MOB1A: variants seen among roughly 807,000 people sequenced by gnomAD.
MOB1A encodes MOB1 Mps One Binder homolog A.
A neutral mutation model predicts 25.1 loss-of-function variants in MOB1A; 10 were observed. The ratio of observed to expected loss-of-function variants is 0.40; its 90% confidence interval spans 0.25 to 0.68. The LOEUF is 0.68. Among genes scored for constraint, MOB1A ranks in the 30% least tolerant of loss-of-function variants. The pLI, the probability that MOB1A is intolerant of heterozygous loss-of-function variation, is 0.40. For missense variants in MOB1A, 177 were observed against 256.3 expected (o/e 0.69, Z 2.11); for synonymous variants, 81 against 79.5 (o/e 1.02, Z -0.10).
At chr2:74,170,516 C>T (rs913882270) in intron 2 of MOB1A, among the ~76,000 whole-genome samples, 1 of 151,552 alleles carries the variant, frequency 6.6e-6, no homozygotes, top group African/African-American at 2.4e-5. Context: ...GGGTGGATTA[C>T]CTGAAGTCAG....
chr2:74,168,470 GTC>G (rs1693191870), intron 2 of MOB1A, among the ~76,000 whole-genome samples: 1 of 152,040 alleles, frequency 6.6e-6, no homozygotes, highest in Admixed American at 6.6e-5. Flanking sequence ...CTAGACCCCG[GTC>G]TCTATTGAAA....
chr2:74,171,066 G>A (rs1693280064), intron 2 of MOB1A, among the ~76,000 whole-genome samples: 1 of 151,666 alleles, frequency 6.6e-6, no homozygotes, highest in African/African-American at 2.4e-5. Flanking sequence ...GATCACTTGA[G>A]GTCAGGAGTT....
rs1693329547 is a variant in MOB1A at position 74,172,720 on chromosome 2, T to C, written c.47A>G (p.Lys16Arg). 6.2e-7 allele frequency: 1 copy of C among 1,613,710 alleles called. No homozygotes were observed. The highest frequency in any genetic ancestry group is 1.3e-5 in the African/African-American group (1 of 74,940). Reference sequence around the variant, plus strand: ...ATGAGATCCTTCAGGGATATTCTTCTTTGGTTTGAATGTTTTAGAAGAGCG... The same window carrying C: ...ATGAGATCCTTCAGGGATATTCTTCCTTGGTTTGAATGTTTTAGAAGAGCG... The part of the protein sequence containing the change: ...SSRSSKTFKP[K>R]KNIPEGSHQY... The change falls in exon 2 of 6, where the codon AAG becomes AGG. Residue 16 changes from lysine (K) to arginine (R), a missense_variant. Physicochemically the swap from Lys to Arg is conservative, Grantham distance 26 (BLOSUM62 2). Coordinates refer to ENST00000396049, the MANE Select transcript of MOB1A (RefSeq NM_018221.5).
At chr2:74,178,425 C>A (rs1479289042) in intron 1 of MOB1A, 1 of 348,934 alleles carries the variant, frequency 2.9e-6, no homozygotes, top group African/African-American at 2.1e-5. Context: ...GCGCGACGGC[C>A]CCGGGGCCTT....
chr2:74,177,515 G>T (rs1419876662), intron 1 of MOB1A, among the ~76,000 whole-genome samples: 2 of 152,072 alleles, frequency 1.3e-5, no homozygotes, highest in African/African-American at 4.8e-5. Context: ...CAAGGTAATC[G>T]TATTTTAGAG....
At chr2:74,168,468 C>T (rs945689962) in intron 2 of MOB1A, among the ~76,000 whole-genome samples, 4 of 152,082 alleles carry the variant, frequency 2.6e-5, no homozygotes, top group Admixed American at 1.3e-4. Context: ...AGCTAGACCC[C>T]GGTCTCTATT....
Position 74,159,826 on chromosome 2 carries a change from CCCA to C in MOB1A, c.410-575_410-573del, listed in dbSNP as rs369915339. The stretch of plus-strand genomic sequence containing the variant: ...TAGTTTTTTGTTTTTTGTCCCCCCC[CCCA>C]CCCCGGAGACTGAGCCTCACTCTGT... On this transcript the variant is annotated intron_variant, in intron 4 of 5. Coordinates refer to ENST00000396049, the MANE Select transcript of MOB1A (RefSeq NM_018221.5). 5.4e-3 allele frequency among the ~76,000 whole-genome samples: 626 copies of C among 115,606 alleles called. 13 individuals carry two copies. The highest frequency in any genetic ancestry group is 0.019 in the African/African-American group (604 of 31,398). The allele number at this position is 115,606 out of a possible 152,430, so 75.8% of individuals were successfully genotyped here.
Position 74,156,552 on chromosome 2 carries a change from G to A in MOB1A, c.*16C>T, listed in dbSNP as rs1238728843. ...ATAGATGAAGCAAGGGGGTAACTGT[G>A]TTCTAGAAGAAACATTTATCTGTCT... is the stretch of plus-strand genomic sequence containing the variant. On this transcript the variant is annotated 3_prime_UTR_variant, in exon 6 of 6. Coordinates refer to ENST00000396049, the MANE Select transcript of MOB1A (RefSeq NM_018221.5). 2.6e-6 allele frequency: 4 copies of A among 1,530,516 alleles called. No individual in the cohort carries two copies. In the East Asian group the frequency reaches 9.8e-5, roughly 37 times the overall value. 94.8% of individuals were successfully genotyped at this position (1,530,516 alleles called of 1,614,324 possible). A position where few individuals can be genotyped will look rare whatever the true frequency, so the allele number is the denominator to read the frequency against.
intron 4 of MOB1A, among the ~76,000 whole-genome samples, chr2:74,160,949 C>T (rs1692950934): frequency 1.3e-5 from 2 of 151,684 alleles, no homozygotes; most frequent in Admixed American, 6.6e-5. Flanking sequence ...ATCCTAGCTA[C>T]TCAAATGGCT....
At chr2:74,173,822 G>A (rs1329663352) in intron 1 of MOB1A, among the ~76,000 whole-genome samples, 21 of 151,052 alleles carry the variant, frequency 1.4e-4, no homozygotes, top group Admixed American at 4.6e-4. Context: ...GGTGGAGGGC[G>A]CCTGTAGTCC....
chr2:74,163,303 A>C (rs1319627833), intron 4 of MOB1A, among the ~76,000 whole-genome samples: 1 of 152,240 alleles, frequency 6.6e-6, no homozygotes, highest in African/African-American at 2.4e-5. Flanking sequence ...AAAAACTAAC[A>C]GAAAAAGAGT....
At chr2:74,162,773 C>A (rs879851348) in intron 4 of MOB1A, among the ~76,000 whole-genome samples, 1 of 152,082 alleles carries the variant, frequency 6.6e-6, no homozygotes, top group Non-Finnish European at 1.5e-5. Flanking sequence ...AAAAGGAATT[C>A]AAAAATATGT....
At chr2:74,162,219 G>A (rs1692993837) in intron 4 of MOB1A, among the ~76,000 whole-genome samples, 1 of 152,140 alleles carries the variant, frequency 6.6e-6, no homozygotes, top group Non-Finnish European at 1.5e-5. Flanking sequence ...GGTGGCTCAT[G>A]CCTGTAATTC....
chr2:74,165,486 T>C, intron 3 of MOB1A, 135 bp from the exon 4 acceptor site: 1 of 498,798 alleles, frequency 2.0e-6, no homozygotes, highest in Non-Finnish European at 3.4e-6. Flanking sequence ...TAAGTTCTAC[T>C]GAAGATTACT....
intron 1 of MOB1A, among the ~76,000 whole-genome samples, chr2:74,173,545 T>A (rs1291871838): frequency 6.6e-6 from 1 of 151,262 alleles, no homozygotes; most frequent in Non-Finnish European, 1.5e-5. Context: ...CACACCCAGC[T>A]AATTTTTTTT....
chr2:74,170,954 A>G (rs1693276316), intron 2 of MOB1A, among the ~76,000 whole-genome samples: 2 of 151,982 alleles, frequency 1.3e-5, no homozygotes, highest in African/African-American at 2.4e-5. Context: ...ATTTAAACAA[A>G]GCATAGATTT....
intron 1 of MOB1A, among the ~76,000 whole-genome samples, chr2:74,173,673 G>GCTA (rs1441256088): frequency 1.3e-5 from 2 of 150,180 alleles, no homozygotes; most frequent in Non-Finnish European, 1.5e-5. Context: ...GGGCCATGCC[G>GCTA]GGCGCGGTGG....
chr2:74,158,413 A>AT (rs1558830538), intron 5 of MOB1A, among the ~76,000 whole-genome samples: 1 of 152,222 alleles, frequency 6.6e-6, no homozygotes, highest in East Asian at 1.9e-4. Flanking sequence ...TATGCAAAAT[A>AT]TAAGTATCTC....
intron 5 of MOB1A, among the ~76,000 whole-genome samples, chr2:74,158,180 C>CAAAA (rs58535875): frequency 2.4e-5 from 2 of 83,376 alleles, no homozygotes; most frequent in African/African-American, 8.3e-5. Flanking sequence ...ACTCTGTCTC[C>CAAAA]AAAAAAAAAA....
Sources: allele counts gnomAD v4.1 joint callset (sites outside exome capture counted in the v4.1 genomes callset), GRCh38; gene constraint gnomAD v4.1.1; transcripts MANE v1.5; gene names NCBI Gene and HGNC (gene_info 2026-07-23, HGNC 2026-07-21).